The following EPHA6 variants were observed in gnomAD, a reference collection of about 807,000 sequenced individuals.
The protein encoded by EPHA6 is EPH receptor A6, also known as ephrin type-A receptor 6.
In EPHA6, 50 loss-of-function variants were observed where a neutral mutation model predicts 112.0. That is an observed-to-expected ratio of 0.45 (90% CI 0.36 to 0.56). The LOEUF (loss-of-function observed/expected upper bound fraction) is 0.56, where lower values mean the gene tolerates loss of function less well. Among genes scored for constraint, EPHA6 ranks in the 20% least tolerant of loss-of-function variants. The pLI is 0.00. For synonymous variants in EPHA6, 529 were observed against 490.7 expected, an observed-to-expected ratio of 1.08 and a Z score of -1.03; for missense variants, 1,280 against 1,417.4, an observed-to-expected ratio of 0.90 and a Z score of 1.56.
intron 3 of EPHA6, among the ~76,000 whole-genome samples, chr3:97,074,804 A>C (rs562601429): frequency 3.9e-5 from 6 of 151,996 alleles, no homozygotes; most frequent in Non-Finnish European, 7.4e-5. Flanking sequence ...AACTCTCAGC[A>C]TTGTTCTCTG....
At chr3:96,984,437 G>T (rs1390428303) in intron 2 of EPHA6, among the ~76,000 whole-genome samples, 1 of 152,106 alleles carries the variant, frequency 6.6e-6, no homozygotes, top group East Asian at 1.9e-4. Flanking sequence ...GGGGTACCTG[G>T]CCGTGTGAGG....
At chr3:97,144,041 T>C (rs1456133954) in intron 3 of EPHA6, among the ~76,000 whole-genome samples, 3 of 151,846 alleles carry the variant, frequency 2.0e-5, no homozygotes, top group African/African-American at 7.2e-5. Context: ...GGTTGTGGTT[T>C]TTGCAGTCTC....
At chr3:97,216,495 G>A (rs1005194232) in intron 3 of EPHA6, among the ~76,000 whole-genome samples, 2 of 152,164 alleles carry the variant, frequency 1.3e-5, no homozygotes, top group Non-Finnish European at 2.9e-5. Flanking sequence ...TGAAAATCAA[G>A]TGGAGGATCA....
Position 96,951,414 on chromosome 3 carries a change from A to G in EPHA6, c.451-35916A>G, listed in dbSNP as rs534098069. Among the ~76,000 whole-genome samples, 6 of 152,266 alleles carry G rather than the reference A, an allele frequency of 3.9e-5. No homozygotes were observed. The South Asian group carries it at 1.2e-3, about 32-fold the overall frequency. ...TCAGTTATTATTGCCTCCTAACTAA[A>G]AAGGCACGTAACTCTTTGCTAAGAG... is the stretch of plus-strand genomic sequence containing the variant. On this transcript the variant is annotated intron_variant, in intron 2 of 17. Coordinates refer to ENST00000389672, the MANE Select transcript of EPHA6 (RefSeq NM_001080448.3).
chr3:97,398,678 T>C (rs2086823535), intron 5 of EPHA6, among the ~76,000 whole-genome samples: 1 of 151,520 alleles, frequency 6.6e-6, no homozygotes, highest in Admixed American at 6.6e-5. Context: ...AATCACTAAA[T>C]TGTGTTCTTT....
intron 12 of EPHA6, among the ~76,000 whole-genome samples, chr3:97,601,300 A>T (rs1449237754): frequency 6.6e-6 from 1 of 152,100 alleles, no homozygotes; most frequent in East Asian, 1.9e-4. Flanking sequence ...ATCAGTATTT[A>T]CTATTTGTGC....
intron 5 of EPHA6, among the ~76,000 whole-genome samples, chr3:97,404,121 G>GT (rs2087174863): frequency 1.3e-5 from 2 of 152,248 alleles, no homozygotes; most frequent in South Asian, 4.1e-4. Context: ...TCCAGGAATG[G>GT]TATTGTAAAT....
At chr3:97,179,725 C>CTCTCTA (rs2076934833) in intron 3 of EPHA6, among the ~76,000 whole-genome samples, 1 of 139,272 alleles carries the variant, frequency 7.2e-6, no homozygotes, top group South Asian at 2.2e-4. Flanking sequence ...GAGTCTCTCT[C>CTCTCTA]TCTCTCTCTC....
At chr3:97,519,417 A>G (rs1359156085) in intron 10 of EPHA6, among the ~76,000 whole-genome samples, 5 of 152,328 alleles carry the variant, frequency 3.3e-5, no homozygotes, top group African/African-American at 1.2e-4. Context: ...GTCAGGTAGC[A>G]TGATGCCTTC....
chr3:96,863,437 T>G (rs906952649), intron 1 of EPHA6, among the ~76,000 whole-genome samples: 3 of 151,938 alleles, frequency 2.0e-5, no homozygotes, highest in Non-Finnish European at 4.4e-5. Context: ...TTACTACATA[T>G]CTCTAAAATT....
chr3:97,621,590 C>A (rs759816262), intron 13 of EPHA6, among the ~76,000 whole-genome samples: 7 of 151,654 alleles, frequency 4.6e-5, no homozygotes, highest in Non-Finnish European at 1.0e-4. Context: ...GAAAGTTGAA[C>A]CAGGGTGGAA....
intron 14 of EPHA6, among the ~76,000 whole-genome samples, chr3:97,667,281 A>G (rs550089131): frequency 5.9e-5 from 9 of 152,216 alleles, no homozygotes; most frequent in Non-Finnish European, 1.2e-4. Flanking sequence ...CTGCATATTA[A>G]CATTGTCTAA....
chr3:96,876,597 G>A (rs1160516861), intron 2 of EPHA6, among the ~76,000 whole-genome samples: 1 of 151,916 alleles, frequency 6.6e-6, no homozygotes, highest in Admixed American at 6.6e-5. Flanking sequence ...TTTAACCTGT[G>A]GCCAACAGCT....
At chr3:96,873,896 C>A (rs565235574) in intron 2 of EPHA6, among the ~76,000 whole-genome samples, 90 of 152,188 alleles carry the variant, frequency 5.9e-4, no homozygotes, top group Non-Finnish European at 1.1e-3. Flanking sequence ...ATTTTACATA[C>A]TTTTCGTGAT....
At chr3:97,528,131 C>A (rs2092648456) in intron 10 of EPHA6, among the ~76,000 whole-genome samples, 1 of 152,106 alleles carries the variant, frequency 6.6e-6, no homozygotes, top group Admixed American at 6.6e-5. Flanking sequence ...TGGGGTGGCA[C>A]AATGACCTTG....
At chr3:97,616,732 A>G (rs1370626423) in intron 13 of EPHA6, among the ~76,000 whole-genome samples, 1 of 152,040 alleles carries the variant, frequency 6.6e-6, no homozygotes, top group Non-Finnish European at 1.5e-5. Context: ...AAGAATAGAG[A>G]AAAAAAATGA....
At chr3:97,369,951 T>A (rs2084955274) in intron 5 of EPHA6, among the ~76,000 whole-genome samples, 1 of 152,198 alleles carries the variant, frequency 6.6e-6, no homozygotes, top group African/African-American at 2.4e-5. Flanking sequence ...AAAAGCAGAA[T>A]TCTTATATAA....
chr3:96,978,800 G>A (rs919736072), intron 2 of EPHA6, among the ~76,000 whole-genome samples: 3 of 151,820 alleles, frequency 2.0e-5, no homozygotes, highest in African/African-American at 7.3e-5. Context: ...ATATTTCTTG[G>A]TTTATATCGG....
chr3:97,746,966 G>A (rs1055225576), intron 16 of EPHA6, among the ~76,000 whole-genome samples: 1 of 151,892 alleles, frequency 6.6e-6, no homozygotes, highest in African/African-American at 2.4e-5. Flanking sequence ...CACAGCAAAT[G>A]TAGAAAAGGA....
Sources: allele counts gnomAD v4.1 joint callset (sites outside exome capture counted in the v4.1 genomes callset), GRCh38; gene constraint gnomAD v4.1.1; transcripts MANE v1.5; gene names NCBI Gene and HGNC (gene_info 2026-07-23, HGNC 2026-07-21).